LY96: variants seen among roughly 807,000 people sequenced by gnomAD.
The protein encoded by LY96 is myeloid differentiation protein-2.
In LY96, 18 loss-of-function variants were observed where a neutral mutation model predicts 18.9. The observed-to-expected ratio is 0.95, with a 90% CI of 0.66 to 1.41. The LOEUF (loss-of-function observed/expected upper bound fraction) is 1.41. Among genes scored for constraint, LY96 ranks in the 40% most tolerant of loss-of-function variants. LY96 has a pLI of 0.00. For synonymous variants in LY96, 66 were observed against 62.6 expected (o/e 1.06, Z -0.26); for missense variants, 175 against 182.4 (o/e 0.96, Z 0.23).
chr8:74,006,604 C>T (rs1299541136), intron 2 of LY96, among the ~76,000 whole-genome samples: 1 of 152,216 alleles, frequency 6.6e-6, no homozygotes, highest in Non-Finnish European at 1.5e-5. Flanking sequence ...TTAGTGACAG[C>T]ACAGAGCAAA....
At chr8:74,061,630 C>A in the LY96 span, among the ~76,000 whole-genome samples, 1 of 152,014 alleles carries the variant, frequency 6.6e-6, no homozygotes, top group Non-Finnish European at 1.5e-5. Context: ...AATGTCTCAC[C>A]ACAAAAAGTG....
rs910434379 is a variant in LY96, at chr8:74,022,427, A to G, written c.332-4362A>G. Among the ~76,000 whole-genome samples, 3 of 151,652 alleles carry G rather than the reference A, an allele frequency of 2.0e-5. No homozygotes were observed. The East Asian group carries it at 5.8e-4, about 29-fold the overall frequency. ...AGTCTCAAAAAAAGAAAAACCAAAAAAAAAGATAGCTTTCTAAGACAGACA... is the reference window on the plus strand; with the variant it reads ...AGTCTCAAAAAAAGAAAAACCAAAAGAAAAGATAGCTTTCTAAGACAGACA... On this transcript the variant is annotated intron_variant, in intron 3 of 4. Coordinates refer to ENST00000284818, the MANE Select transcript of LY96 (RefSeq NM_015364.5).
intron 1 of LY96, among the ~76,000 whole-genome samples, chr8:74,002,006 TCTTCCTTCCTTCCTTC>T (rs1222416498): frequency 0.052 from 1,259 of 24,082 alleles, 117 homozygotes; most frequent in East Asian, 0.061. Flanking sequence ...TTTCTTCCTT[TCTTCCTTCCTTCCTTC>T]CTTCCTTCCT....
chr8:74,026,912 G>T, intron 4 of LY96, 71 bp downstream of exon 4: 1 of 789,704 alleles, frequency 1.3e-6, no homozygotes, highest in Non-Finnish European at 2.2e-6. Context: ...TTTGAAACAA[G>T]CAATTCACAA....
chr8:74,084,658 G>A, the LY96 span, among the ~76,000 whole-genome samples: 1 of 152,060 alleles, frequency 6.6e-6, no homozygotes, highest in Non-Finnish European at 1.5e-5. Flanking sequence ...CTGTTGCCCA[G>A]GCTGGAGTAC....
chr8:74,021,750 G>A (rs540992172), intron 3 of LY96, among the ~76,000 whole-genome samples: 37 of 152,138 alleles, frequency 2.4e-4, no homozygotes, highest in Non-Finnish European at 3.1e-4. Context: ...CATAAAAAAC[G>A]ATGAGTTCAT....
the LY96 span, among the ~76,000 whole-genome samples, chr8:74,046,713 G>A: frequency 6.6e-6 from 1 of 152,120 alleles, no homozygotes; most frequent in Non-Finnish European, 1.5e-5. Flanking sequence ...CAAAGGCTAT[G>A]CTTAAATAAT....
chr8:74,068,185 G>C, the LY96 span, among the ~76,000 whole-genome samples: 1,494 of 149,972 alleles, frequency 1.0e-2, 75 homozygotes, highest in Admixed American at 0.076. Flanking sequence ...CCAGCAGTCT[G>C]TCTTCTGTCT....
the LY96 span, among the ~76,000 whole-genome samples, chr8:74,086,075 T>C: frequency 6.6e-6 from 1 of 152,180 alleles, no homozygotes; most frequent in African/African-American, 2.4e-5. Flanking sequence ...ACCAATATTC[T>C]ATCCTCTGTT....
intron 1 of LY96, among the ~76,000 whole-genome samples, chr8:74,002,533 G>C (rs995051469): frequency 1.4e-5 from 2 of 148,026 alleles, no homozygotes; most frequent in South Asian, 2.2e-4. Context: ...TTTTAGTTCA[G>C]TTATTGTGTT....
chr8:74,018,906 T>A (rs1362869717), intron 3 of LY96, among the ~76,000 whole-genome samples: 1 of 152,196 alleles, frequency 6.6e-6, no homozygotes, highest in African/African-American at 2.4e-5. Context: ...CCAGAATCTC[T>A]GGGACACATT....
At chr8:74,023,600 A>T (rs1016110636) in intron 3 of LY96, among the ~76,000 whole-genome samples, 1 of 151,824 alleles carries the variant, frequency 6.6e-6, no homozygotes. Context: ...GTGTTTCTGC[A>T]CTCACCTATG....
the LY96 span, among the ~76,000 whole-genome samples, chr8:74,056,874 G>A: frequency 9.7e-3 from 1,482 of 152,260 alleles, 77 homozygotes; most frequent in Admixed American, 0.075. Context: ...GGAACTAGTT[G>A]AGCTCACTGG....
At chr8:74,017,518 C>A (rs763892367) in intron 3 of LY96, among the ~76,000 whole-genome samples, 16 of 152,180 alleles carry the variant, frequency 1.1e-4, no homozygotes, top group Non-Finnish European at 1.6e-4. Flanking sequence ...TCTAGCAAGG[C>A]AGGCCAACAT....
chr8:74,044,213 T>C, the LY96 span, among the ~76,000 whole-genome samples: 1 of 151,726 alleles, frequency 6.6e-6, no homozygotes, highest in Non-Finnish European at 1.5e-5. Context: ...TTTTAGGGTC[T>C]CACTGTTGCC....
At chr8:74,077,123 A>G in the LY96 span, among the ~76,000 whole-genome samples, 3 of 152,162 alleles carry the variant, frequency 2.0e-5, no homozygotes, top group African/African-American at 7.2e-5. Flanking sequence ...GGGGCCAGAG[A>G]GTGGTTCGTG....
the LY96 span, among the ~76,000 whole-genome samples, chr8:74,091,095 G>A: frequency 1.6e-3 from 197 of 124,558 alleles, 4 homozygotes; most frequent in South Asian, 0.048. Context: ...GTGGGTGGAT[G>A]TACAGAAAGG....
At chr8:74,026,661 T>C in intron 3 of LY96, 128 bp from the exon 4 acceptor site, 1 of 667,816 alleles carries the variant, frequency 1.5e-6, no homozygotes, top group Non-Finnish European at 2.8e-6. Context: ...TATAAAAGAT[T>C]CATTATTTTT....
chr8:74,093,207 T>C, the LY96 span, among the ~76,000 whole-genome samples: 9 of 152,196 alleles, frequency 5.9e-5, 1 homozygote, highest in African/African-American at 2.2e-4. Context: ...CTCTGCAACG[T>C]TGCTTTCCTC....
Sources: allele counts gnomAD v4.1 joint callset (sites outside exome capture counted in the v4.1 genomes callset), GRCh38; gene constraint gnomAD v4.1.1; transcripts MANE v1.5; gene names NCBI Gene and HGNC (gene_info 2026-07-23, HGNC 2026-07-21).